XIRP1: variants seen among roughly 807,000 people sequenced by gnomAD.
XIRP1 encodes the protein xin actin binding repeat containing 1.
For missense variants in XIRP1, 2,378 were observed against 2,345.4 expected, an observed-to-expected ratio of 1.01 and a Z score of -0.29; for synonymous variants, 984 against 947.0, an observed-to-expected ratio of 1.04 and a Z score of -0.72.
rs147144199 is a variant in XIRP1, at chr3:39,191,031, G to A, written c.-81+1415C>T. 1.4e-3 allele frequency among the ~76,000 whole-genome samples: 211 copies of A among 152,294 alleles called. 8 individuals are homozygous for A. The East Asian group carries it at 0.031, about 22-fold the overall frequency. On this transcript the variant is annotated intron_variant, in intron 1 of 1. Transcript: ENST00000340369. ...ACCTGGACACCTTCCCTGGCCAAAG[G>A]AGTCTGCACTGGGGGGAGGTACTGG...
Position 39,186,178 on chromosome 3 carries a change from G to A in XIRP1, c.3268C>T (p.Gln1090Ter), listed in dbSNP as rs1319175673. 3.2e-5 allele frequency: 52 copies of A among 1,613,822 alleles called. No homozygotes were observed. The highest frequency in any genetic ancestry group is 4.4e-5 in the Non-Finnish European group (52 of 1,179,926). ...PTPTATSNPIQDGLRKAGATQ... is the reference protein window; with the variant it reads ...PTPTATSNPI ...GCCCCAGCTTTCCGAAGACCGTCCT[G>A]GATGGGGTTGGAAGTGGCTGTTGGG... The change falls in exon 2 of 2, where the codon CAG becomes TAG. Residue 1090 changes from glutamine (Q) to a stop codon, truncating the protein, a stop_gained. Coordinates refer to ENST00000340369, the MANE Select transcript of XIRP1 (RefSeq NM_194293.4). LOFTEE classifies it low-confidence loss of function (END_TRUNC).
chr3:39,186,830 T>G lies in XIRP1; in HGVS notation c.2616A>C (p.Glu872Asp), dbSNP rs141258737. ...GCTGCTGGAGCTCAGGGTCCATGTC[T>G]TCAATATTCCCACTGCTGCCTGGAG... ...LPTPGSSGNIEDMDPELQQLL... is the reference protein window; with the variant it reads ...LPTPGSSGNIDDMDPELQQLL... Residue 872 changes from glutamate to aspartate, a missense_variant, in exon 2 of 2, where the codon GAA (glutamate) becomes GAC (aspartate). Glu to Asp is a conservative substitution (Grantham distance 45, BLOSUM62 2). Coordinates refer to ENST00000340369, the MANE Select transcript of XIRP1 (RefSeq NM_194293.4). 6.2e-6 allele frequency: 10 copies of G among 1,613,644 alleles called. No homozygotes were observed. The highest frequency in any genetic ancestry group is 8.5e-6 in the Non-Finnish European group (10 of 1,179,604).
In XIRP1 at chr3:39,186,183, G is replaced by C; in HGVS notation, c.3263C>G (p.Pro1088Arg). The C allele has an allele frequency of 6.2e-7, 1 of 1,613,940 alleles. No individual in the cohort carries two copies. The highest frequency in any genetic ancestry group is 8.5e-7 in the Non-Finnish European group (1 of 1,179,918). The part of the protein sequence containing the change: ...QGPTPTATSN[P>R]IQDGLRKAGA... ...AGCTTTCCGAAGACCGTCCTGGATG[G>C]GGTTGGAAGTGGCTGTTGGGGTGGG... Residue 1088 changes from proline to arginine, a missense_variant, in exon 2 of 2, where the codon CCC becomes CGC. Physicochemically the swap from Pro to Arg is moderately radical, Grantham distance 103. Coordinates refer to ENST00000340369, the MANE Select transcript of XIRP1 (RefSeq NM_194293.4).
chr3:39,189,284 G>A lies in XIRP1; in HGVS notation c.162C>T (p.Leu54=). The A allele has an allele frequency of 6.2e-7, 1 of 1,613,862 alleles. No individual in the cohort carries two copies. The highest frequency in any genetic ancestry group is 8.5e-7 in the Non-Finnish European group (1 of 1,180,004). The part of the protein sequence containing the change: ...KFHQQRQASE[L]RRLYRHIHPE... Reference sequence around the variant, plus strand: ...GGTGGATGTGCCTGTAGAGGCGGCGGAGCTCACTAGCTTGCCGCTGCTGAT... The same window carrying A: ...GGTGGATGTGCCTGTAGAGGCGGCGAAGCTCACTAGCTTGCCGCTGCTGAT... The change falls in exon 2 of 2, where the codon CTC becomes CTT. Residue 54 remains leucine (L), a synonymous_variant. Transcript: ENST00000340369.
At chr3:39,189,579 T>TA (rs1439920545) in intron 1 of XIRP1, 54 bp from the exon 2 acceptor site, 5 of 1,374,928 alleles carry the variant, frequency 3.6e-6, no homozygotes, top group Non-Finnish European at 3.9e-6. Flanking sequence ...CTGGGTGACT[T>TA]ACGCTTAGAG....
chr3:39,190,840 C>T (rs2040076689), intron 1 of XIRP1, among the ~76,000 whole-genome samples: 1 of 152,202 alleles, frequency 6.6e-6, no homozygotes, highest in African/African-American at 2.4e-5. Context: ...AGCTGAGGTC[C>T]TGGCCTCAGA....
rs2039973292 is a variant in XIRP1, at chr3:39,186,417, G to A, written c.3029C>T (p.Ala1010Val). Reference protein sequence around the residue: ...KAVPLAGEAAAPAQLQNTEKQ... With the variant: ...KAVPLAGEAAVPAQLQNTEKQ... ...TTCTGTGTTTTGCAATTGGGCTGGT[G>A]CTGCAGCTTCCCCAGCCAGAGGGAC... Residue 1010 changes from alanine to valine, a missense_variant, in exon 2 of 2, where the codon GCA becomes GTA. Transcript: ENST00000340369. 1 of 1,614,056 alleles carries A rather than the reference G, an allele frequency of 6.2e-7. No homozygotes were observed. Among genetic ancestry groups the A allele is most frequent in the Non-Finnish European group, 8.5e-7 (1 of 1,180,038 alleles).
chr3:39,187,062 C>T lies in XIRP1; in HGVS notation c.2384G>A (p.Arg795Gln), dbSNP rs760098747. Residue 795 changes from arginine to glutamine, a missense_variant, in exon 2 of 2, where the codon CGA (arginine) becomes CAA (glutamine). By Grantham distance (43) the Arg-to-Gln change is conservative. Coordinates refer to ENST00000340369, the MANE Select transcript of XIRP1 (RefSeq NM_194293.4). ...LHHGGILMEA[R>Q]GPGELCLAKY... ...GGCAAGACAGAGCTCCCCTGGCCCT[C>T]GGGCCTCCATGAGGATGCCTCCATG... is the stretch of plus-strand genomic sequence containing the variant. The T allele has an allele frequency of 4.3e-6, 7 of 1,612,772 alleles. No homozygotes were observed. The highest frequency in any genetic ancestry group is 1.1e-5 in the South Asian group (1 of 91,068).
chr3:39,186,833 A>C lies in XIRP1; in HGVS notation c.2613T>G (p.Ile871Met), dbSNP rs770953177. 1.2e-6 allele frequency: 2 copies of C among 1,613,744 alleles called. No individual in the cohort carries two copies. The highest frequency in any genetic ancestry group is 1.7e-6 in the Non-Finnish European group (2 of 1,179,702). ...GCTGGAGCTCAGGGTCCATGTCTTC[A>C]ATATTCCCACTGCTGCCTGGAGTTG... ...RLPTPGSSGN[I>M]EDMDPELQQL... Residue 871 changes from isoleucine (I) to methionine (M), a missense_variant, in exon 2 of 2, where the codon ATT becomes ATG. Ile to Met is a conservative substitution (Grantham distance 10). Transcript: ENST00000340369.
chr3:39,186,254 T>C lies in XIRP1; in HGVS notation c.3192A>G (p.Glu1064=). 1.9e-6 allele frequency: 3 copies of C among 1,613,132 alleles called. No individual in the cohort carries two copies. Among genetic ancestry groups the C allele is most frequent in the Non-Finnish European group, 2.5e-6 (3 of 1,179,734 alleles). The change falls in exon 2 of 2, where the codon GAA becomes GAG. Residue 1064 remains glutamate, a synonymous_variant. Transcript: ENST00000340369. ...AMQSLRMATA[E]AQSLHQQVLN... ...GAACTTGCTGGTGCAGGCTCTGGGC[T>C]TCAGCTGTTGCCATCCGCAGACTCT...
At chr3:39,189,817 G>A (rs2040063323) in intron 1 of XIRP1, among the ~76,000 whole-genome samples, 1 of 152,160 alleles carries the variant, frequency 6.6e-6, no homozygotes, top group African/African-American at 2.4e-5. Flanking sequence ...AACTGGACAT[G>A]CCCCATCCTC....
In XIRP1 at chr3:39,184,299, T is replaced by C; in HGVS notation, c.5147A>G (p.Gln1716Arg). Residue 1716 changes from glutamine (Q) to arginine (R), a missense_variant, in exon 2 of 2, where the codon CAA becomes CGA. Coordinates refer to ENST00000340369, the MANE Select transcript of XIRP1 (RefSeq NM_194293.4). ...GATGTCCTTCTTCCCAGTTTTGTCT[T>C]GGACACCTTTCTGGTGGAGCAGGGC... ...GQALLHQKGVQDKTGKKDITQ... is the reference protein window; with the variant it reads ...GQALLHQKGVRDKTGKKDITQ... 6.2e-7 allele frequency: 1 copy of C among 1,614,186 alleles called. No individual in the cohort carries two copies. Among genetic ancestry groups the C allele is most frequent in the Non-Finnish European group, 8.5e-7 (1 of 1,180,022 alleles).
rs2040014923 is a variant in XIRP1 at position 39,187,888 on chromosome 3, GCTGTGTCTCAAACATCCAC to G, written c.1539_1557del (p.Arg513SerfsTer3). On this transcript the variant is annotated frameshift_variant, in exon 2 of 2. Coordinates refer to ENST00000340369, the MANE Select transcript of XIRP1 (RefSeq NM_194293.4). LOFTEE classifies it low-confidence loss of function (END_TRUNC). ...GGGCTTCGGCCGAGCTGGTCTAGGG[GCTGTGTCTCAAACATCCAC>G]CTGTAGCCCTGCACATCACCTCCGA... is the stretch of plus-strand genomic sequence containing the variant. The G allele has an allele frequency of 6.2e-7, 1 of 1,614,208 alleles. No homozygotes were observed. The highest frequency in any genetic ancestry group is 1.3e-5 in the African/African-American group (1 of 75,056).
chr3:39,187,502 A>G lies in XIRP1; in HGVS notation c.1944T>C (p.Val648=). 6.2e-7 allele frequency: 1 copy of G among 1,614,018 alleles called. No individual in the cohort carries two copies. Among genetic ancestry groups the G allele is most frequent in the Non-Finnish European group, 8.5e-7 (1 of 1,180,022 alleles). Reference sequence around the variant, plus strand: ...GTCTTTCCCCAGCCGGGACCTGGCTAACCTGCAGGTGCTGCTCCCTGGAGC... The same window carrying G: ...GTCTTTCCCCAGCCGGGACCTGGCTGACCTGCAGGTGCTGCTCCCTGGAGC... The part of the protein sequence containing the change: ...PVGSREQHLQ[V]SQVPAGERQT... Residue 648 remains valine (V), a synonymous_variant, in exon 2 of 2, where the codon GTT becomes GTC. Transcript: ENST00000340369.
Position 39,187,275 on chromosome 3 carries a change from G to A in XIRP1, c.2171C>T (p.Ser724Phe), listed in dbSNP as rs769107452. Residue 724 changes from serine to phenylalanine, a missense_variant, in exon 2 of 2, where the codon TCT becomes TTT. Transcript: ENST00000340369. Reference protein sequence around the residue: ...RVIAGSIPAGSVHKFTWLFEN... With the variant: ...RVIAGSIPAGFVHKFTWLFEN... Reference sequence around the variant, plus strand: ...AAAAAGCCAAGTGAACTTGTGGACAGAACCCGCGGGGATGGACCCAGCGAT... The same window carrying A: ...AAAAAGCCAAGTGAACTTGTGGACAAAACCCGCGGGGATGGACCCAGCGAT... The A allele has an allele frequency of 5.7e-6, 9 of 1,584,800 alleles. No homozygotes were observed. In the African/African-American group the frequency reaches 6.8e-5, roughly 12 times the overall value.
chr3:39,188,213 C>T lies in XIRP1; in HGVS notation c.1233G>A (p.Glu411=), dbSNP rs374164367. 4 of 1,614,064 alleles carry T rather than the reference C, an allele frequency of 2.5e-6. No homozygotes were observed. The highest frequency in any genetic ancestry group is 3.4e-6 in the Non-Finnish European group (4 of 1,180,038). The stretch of plus-strand genomic sequence containing the variant: ...AGGAGCTGTCACTGGATAGATGCCC[C>T]TCACCGTCCTGGGGATCCACTCGCT... The part of the protein sequence containing the change: ...HLQRVDPQDG[E]GHLSSDSSSA... Residue 411 remains glutamate (E), a synonymous_variant, in exon 2 of 2, where the codon GAG becomes GAA. Coordinates refer to ENST00000340369, the MANE Select transcript of XIRP1 (RefSeq NM_194293.4).
rs765513749 is a variant in XIRP1 at position 39,188,138 on chromosome 3, C to T, written c.1308G>A (p.Gly436=). ...QSAPQRDELK[G]DVKTFKNLFE... is the part of the protein sequence containing the mutation. ...AAAGGTTCTTAAAAGTCTTCACATC[C>T]CCCTTTAGCTCATCCCTCTGGGGGG... is the stretch of plus-strand genomic sequence containing the variant. Residue 436 remains glycine, a synonymous_variant, in exon 2 of 2, where the codon GGG becomes GGA. Transcript: ENST00000340369. The T allele has an allele frequency of 2.5e-6, 4 of 1,614,174 alleles. No homozygotes were observed. Among genetic ancestry groups the T allele is most frequent in the East Asian group, 2.2e-5 (1 of 44,884 alleles).
chr3:39,184,500 G>A lies in XIRP1; in HGVS notation c.4946C>T (p.Thr1649Ile), dbSNP rs752359833. 2 of 1,613,862 alleles carry A rather than the reference G, an allele frequency of 1.2e-6. No homozygotes were observed. The highest frequency in any genetic ancestry group is 1.7e-6 in the Non-Finnish European group (2 of 1,180,062). Residue 1649 changes from threonine to isoleucine, a missense_variant, in exon 2 of 2, where the codon ACA becomes ATA. Transcript: ENST00000340369. The part of the protein sequence containing the change: ...STAPSTRRQE[T>I]SREYLCPPRV... ...AGGAGGGCACAAATACTCTCTTGAT[G>A]TCTCCTGCCTCCTGGTGGAAGGGGC...
At chr3:39,191,343 C>T (rs1164950139) in intron 1 of XIRP1, among the ~76,000 whole-genome samples, 1 of 151,732 alleles carries the variant, frequency 6.6e-6, no homozygotes, top group Non-Finnish European at 1.5e-5. Flanking sequence ...GGTGTGTGCA[C>T]ACCATCAGCT....
Sources: gnomAD v4.1 joint callset for allele counts (sites outside exome capture counted in the v4.1 genomes callset) on GRCh38, gnomAD v4.1.1 for gene constraint, MANE v1.5 for transcripts, NCBI Gene and HGNC (gene_info 2026-07-23, HGNC 2026-07-21) for gene names.